Variants in NISCH observed in about 807,000 individuals in gnomAD.
NISCH encodes the protein I-1 receptor candidate protein.
Under a neutral mutation model 138.4 loss-of-function variants are expected in NISCH, and 55 were observed. That is an observed-to-expected ratio of 0.40 (90% CI 0.32 to 0.50). The LOEUF is 0.50. Ranked by LOEUF, NISCH falls within the 20% of genes least tolerant of loss-of-function variation. NISCH has a pLI of 0.71. For missense variants in NISCH, 1,643 were observed against 2,005.5 expected (o/e 0.82, Z 3.45); for synonymous variants, 860 against 861.5 (o/e 1.00, Z 0.03).
intron 6 of NISCH, 21 bp downstream of exon 6, chr3:52,472,419 G>T (rs1706978768): frequency 6.3e-7 from 1 of 1,578,644 alleles, no homozygotes; most frequent in African/African-American, 1.3e-5. Context: ...GCGCTGCACA[G>T]CATCCTCTCG....
Position 52,489,799 on chromosome 3 carries a change from T to C in NISCH, c.3456+121T>C, listed in dbSNP as rs1707513616. ...CTGATGTCGGAGTCCTCAGCTGAGC[T>C]GCTCACAGCTTTGAGGACCTGGGCA... On this transcript the variant is annotated intron_variant, in intron 17 of 20. Coordinates refer to ENST00000345716, the MANE Select transcript of NISCH (RefSeq NM_007184.4). The C allele has an allele frequency of 2.1e-6, 3 of 1,459,242 alleles. No homozygotes were observed. In the East Asian group the frequency reaches 7.2e-5, roughly 35 times the overall value. 90.4% of individuals were successfully genotyped at this position (1,459,242 alleles called of 1,614,324 possible).
intron 17 of NISCH, 98 bp downstream of exon 17, chr3:52,489,776 G>A (rs1277107436): frequency 3.7e-5 from 56 of 1,516,382 alleles, no homozygotes; most frequent in Non-Finnish European, 4.8e-5. Context: ...GGACTTCCCT[G>A]ATGTCGGAGT....
chr3:52,488,631 G>T, intron 16 of NISCH, 26 bp downstream of exon 16: 1 of 1,569,762 alleles, frequency 6.4e-7, no homozygotes, highest in Non-Finnish European at 8.7e-7. Flanking sequence ...GCTCTCAGGG[G>T]CCCCGGGGGC....
At chr3:52,477,721 T>C in intron 9 of NISCH, 79 bp downstream of exon 9, 2 of 1,244,118 alleles carry the variant, frequency 1.6e-6, no homozygotes, top group Non-Finnish European at 2.4e-6. Flanking sequence ...TGACGCAGCC[T>C]TGGGAATTGG....
intron 11 of NISCH, 129 bp from the exon 12 acceptor site, chr3:52,479,617 GCCT>G (rs1414197202): frequency 4.3e-6 from 3 of 692,306 alleles, no homozygotes; most frequent in African/African-American, 1.8e-5. Flanking sequence ...AGGTGCTCAC[GCCT>G]CCTCCTCAGC....
rs368725603 is a variant in NISCH at position 52,487,802 on chromosome 3, G to A, written c.2310G>A (p.Glu770=). ...GCTTCCCGCATGGCGACCTCACCGA[G>A]TTTGGCTTCCTCATGCCGGAGCTGT... ...VFCFPHGDLT[E]FGFLMPELCL... Residue 770 remains glutamate (E), a synonymous_variant, in exon 16 of 21, where the codon GAG becomes GAA. Coordinates refer to ENST00000345716, the MANE Select transcript of NISCH (RefSeq NM_007184.4). The surrounding 1 kb of genome is among the most constrained non-coding windows in gnomAD (Gnocchi z 9.1). 3 of 1,613,370 alleles carry A rather than the reference G, an allele frequency of 1.9e-6. No individual in the cohort carries two copies. The highest frequency in any genetic ancestry group is 1.7e-5 in the Admixed American group (1 of 59,932).
chr3:52,484,608 G>C lies in NISCH; in HGVS notation c.1624G>C (p.Asp542His), dbSNP rs1441725002. The stretch of plus-strand genomic sequence containing the variant: ...CCAGCCCATTGCCCAGGGATGTTCT[G>C]ATTCCTTGGAGTCCATCCCTGCGGG... The part of the protein sequence containing the change: ...EHQPIAQGCS[D>H]SLESIPAGQA... The change falls in exon 14 of 21, where the codon GAT becomes CAT. Residue 542 changes from aspartate (D) to histidine (H), a missense_variant. Transcript: ENST00000345716. The C allele has an allele frequency of 6.2e-7, 1 of 1,614,008 alleles. No homozygotes were observed. The highest frequency in any genetic ancestry group is 1.3e-5 in the African/African-American group (1 of 75,006).
Position 52,478,233 on chromosome 3 carries a change from A to G in NISCH, c.1124A>G (p.Lys375Arg), listed in dbSNP as rs1397979119. The G allele has an allele frequency of 1.2e-6, 2 of 1,614,136 alleles. No individual in the cohort carries two copies. The highest frequency in any genetic ancestry group is 1.7e-6 in the Non-Finnish European group (2 of 1,179,992). The change falls in exon 10 of 21, where the codon AAG (lysine) becomes AGG (arginine). Residue 375 changes from lysine (K) to arginine (R), a missense_variant. Lys to Arg is a conservative substitution (Grantham distance 26). Coordinates refer to ENST00000345716, the MANE Select transcript of NISCH (RefSeq NM_007184.4). ...CTAGAGAGTCTGAGTGGCCTGCACAAGCTCTACTCACTGGTCAACCTGGAT... is the reference window on the plus strand; with the variant it reads ...CTAGAGAGTCTGAGTGGCCTGCACAGGCTCTACTCACTGGTCAACCTGGAT... Reference protein sequence around the residue: ...NLLESLSGLHKLYSLVNLDLR... With the variant: ...NLLESLSGLHRLYSLVNLDLR...
At position 52,471,942 on chromosome 3, in the gene NISCH, A is replaced by G. The variant is rs769640051; in HGVS notation, c.538A>G (p.Ile180Val). ...GGATGCCAAGACCGACCTCGGGCAC[A>G]TCCTGGACTTCACCTGTCGCCTTAA... The part of the protein sequence containing the change: ...SGDAKTDLGH[I>V]LDFTCRLKYL... Residue 180 changes from isoleucine to valine, a missense_variant, in exon 5 of 21, where the codon ATC (isoleucine) becomes GTC (valine). Ile to Val is a conservative substitution (Grantham distance 29). Transcript: ENST00000345716. The G allele has an allele frequency of 1.9e-6, 3 of 1,608,588 alleles. No individual in the cohort carries two copies. The highest frequency in any genetic ancestry group is 2.6e-6 in the Non-Finnish European group (3 of 1,176,250).
rs569983843 is a variant in NISCH, at chr3:52,491,928, A to G, written c.3961A>G (p.Ser1321Gly). Residue 1321 changes from serine (S) to glycine (G), a missense_variant, in exon 21 of 21, where the codon AGT (serine) becomes GGT (glycine). Coordinates refer to ENST00000345716, the MANE Select transcript of NISCH (RefSeq NM_007184.4). The part of the protein sequence containing the change: ...HSSRVKFTYP[S>G]EEEIGDLTFT... ...TAGTCGCGTCAAGTTTACCTACCCC[A>G]GTGAGGAGGAGATTGGGGACCTGAC... The G allele has an allele frequency of 1.1e-5, 17 of 1,613,336 alleles. No homozygotes were observed. The African/African-American group carries it at 2.3e-4, about 21-fold the overall frequency.
intron 2 of NISCH, among the ~76,000 whole-genome samples, chr3:52,458,132 A>G (rs1352802464): frequency 6.6e-6 from 1 of 152,264 alleles, no homozygotes; most frequent in African/African-American, 2.4e-5. Context: ...TGCAAGGAGC[A>G]TATTTGAATT....
chr3:52,489,265 T>C (rs928396360), intron 16 of NISCH, 71 bp from the exon 17 acceptor site: 1 of 1,544,488 alleles, frequency 6.5e-7, no homozygotes, highest in Non-Finnish European at 8.8e-7. Context: ...CTCCTCACTC[T>C]GAAGCTGCAC....
intron 2 of NISCH, 129 bp downstream of exon 2, chr3:52,458,055 G>T (rs1342038603): frequency 3.0e-5 from 20 of 659,180 alleles, no homozygotes; most frequent in Non-Finnish European, 4.9e-5. Context: ...AAACCACTTT[G>T]TTAATATAAC....
chr3:52,457,806 C>G, intron 1 of NISCH, 37 bp from the exon 2 acceptor site: 1 of 1,457,594 alleles, frequency 6.9e-7, no homozygotes, highest in East Asian at 2.3e-5. Context: ...TGTTGCTGGG[C>G]TCCCTTGCCA....
Position 52,488,220 on chromosome 3 carries a change from C to T in NISCH, c.2728C>T (p.Leu910=), listed in dbSNP as rs1334839981. ...AVKSAAIPYW[L]LLTPQHLNVI... is the part of the protein sequence containing the mutation. ...CAAGTCCGCCGCCATCCCCTACTGGCTGTTGCTCACGCCCCAGCACCTCAA... is the reference window on the plus strand; with the variant it reads ...CAAGTCCGCCGCCATCCCCTACTGGTTGTTGCTCACGCCCCAGCACCTCAA... Residue 910 remains leucine (L), a synonymous_variant, in exon 16 of 21, where the codon CTG becomes TTG. Coordinates refer to ENST00000345716, the MANE Select transcript of NISCH (RefSeq NM_007184.4). 4.3e-6 allele frequency: 7 copies of T among 1,612,400 alleles called. No homozygotes were observed. Among genetic ancestry groups the T allele is most frequent in the Non-Finnish European group, 5.9e-6 (7 of 1,179,988 alleles).
At chr3:52,468,687 C>T (rs1478307154) in intron 3 of NISCH, among the ~76,000 whole-genome samples, 1 of 152,068 alleles carries the variant, frequency 6.6e-6, no homozygotes, top group Admixed American at 6.6e-5. Context: ...CGGCCCTGCA[C>T]CCTGCCGGTC....
Position 52,487,087 on chromosome 3 carries a change from T to A in NISCH, c.1704-109T>A. 8.2e-7 allele frequency: 1 copy of A among 1,225,762 alleles called. No homozygotes were observed. Among genetic ancestry groups the A allele is most frequent in the Non-Finnish European group, 1.1e-6 (1 of 881,094 alleles). 75.9% of individuals were successfully genotyped at this position (1,225,762 alleles called of 1,614,324 possible). A position where few individuals can be genotyped will look rare whatever the true frequency, so the allele number is the denominator to read the frequency against. ...CCATGTGGGAGGCTTGGGAGACCCA[T>A]GGGTTGGTTTCTCAGGGTCAGGGTG... On this transcript the variant is annotated intron_variant, in intron 15 of 20. Transcript: ENST00000345716. The surrounding 1 kb of genome is among the most constrained non-coding windows in gnomAD (Gnocchi z 9.1).
At chr3:52,477,388 T>C (rs1707127713) in intron 8 of NISCH, among the ~76,000 whole-genome samples, 186 bp from the exon 9 acceptor site, 1 of 152,178 alleles carries the variant, frequency 6.6e-6, no homozygotes, top group East Asian at 1.9e-4. Flanking sequence ...CTGGGGGCCC[T>C]GTGTGTGCCT....
intron 6 of NISCH, among the ~76,000 whole-genome samples, 171 bp from the exon 7 acceptor site, chr3:52,473,563 C>T (rs549664013): frequency 2.0e-5 from 3 of 152,158 alleles, no homozygotes; most frequent in African/African-American, 4.8e-5. Flanking sequence ...AATGTTTGGT[C>T]GGCACTGACA....
Sources: gnomAD v4.1 joint callset for allele counts (sites outside exome capture counted in the v4.1 genomes callset) on GRCh38, gnomAD v4.1.1 for gene constraint, Gnocchi (gnomAD v3.1) non-coding constraint, MANE v1.5 for transcripts, NCBI Gene and HGNC (gene_info 2026-07-23, HGNC 2026-07-21) for gene names.